Variants in VAT1L observed in about 807,000 individuals in gnomAD.
VAT1L encodes putative NADPH-dependent quinone oxidoreductase VAT1L.
In VAT1L, 34 loss-of-function variants were observed where a neutral mutation model predicts 44.1. The ratio of observed to expected loss-of-function variants is 0.77; its 90% CI spans 0.59 to 1.03. The LOEUF is 1.03. Among genes scored for constraint, VAT1L ranks in the 50% least tolerant of loss-of-function variants. The probability of loss-of-function intolerance (pLI) is 0.00; values close to 1 mark genes in which losing one functional copy is unlikely to be tolerated. For synonymous variants in VAT1L, 253 were observed against 202.2 expected (o/e 1.25, Z -2.13); for missense variants, 615 against 538.8 (o/e 1.14, Z -1.40).
chr16:77,804,524 C>T (rs2016120791), intron 1 of VAT1L, among the ~76,000 whole-genome samples: 1 of 152,144 alleles, frequency 6.6e-6, no homozygotes, highest in Non-Finnish European at 1.5e-5. Context: ...TATTTCTTTT[C>T]CCAGACACGG....
At chr16:77,951,317 C>T (rs748762823) in intron 7 of VAT1L, among the ~76,000 whole-genome samples, 5 of 152,070 alleles carry the variant, frequency 3.3e-5, no homozygotes, top group African/African-American at 9.7e-5. Flanking sequence ...AGGTGGAGGC[C>T]GGCAGACCAC....
chr16:77,825,916 G>A (rs2016515035), intron 3 of VAT1L, among the ~76,000 whole-genome samples: 3 of 150,488 alleles, frequency 2.0e-5, no homozygotes, highest in South Asian at 2.1e-4. Context: ...CCAGCTACTC[G>A]GGAGGCTGAG....
chr16:77,903,822 C>T (rs375046311), intron 7 of VAT1L, among the ~76,000 whole-genome samples: 8 of 150,846 alleles, frequency 5.3e-5, no homozygotes, highest in South Asian at 2.1e-4. Context: ...CTGCAAGCTC[C>T]GCCTCCTGGG....
At chr16:77,847,920 G>A (rs1295828249) in intron 3 of VAT1L, among the ~76,000 whole-genome samples, 2 of 152,200 alleles carry the variant, frequency 1.3e-5, no homozygotes, top group African/African-American at 2.4e-5. Flanking sequence ...ATGTTCAAGT[G>A]GAAGGAGATG....
At chr16:77,827,741 ATAAC>A (rs1314848070) in intron 3 of VAT1L, among the ~76,000 whole-genome samples, 1 of 152,254 alleles carries the variant, frequency 6.6e-6, no homozygotes, top group South Asian at 2.1e-4. Flanking sequence ...AGGGGTAACC[ATAAC>A]TAACACTGGT....
At chr16:77,881,969 A>G (rs1290051857) in intron 6 of VAT1L, 2 of 152,282 alleles carry the variant, frequency 1.3e-5, no homozygotes, top group African/African-American at 4.8e-5. Flanking sequence ...CAGCGTGCCC[A>G]TGCTCAATGA....
chr16:77,878,864 C>T (rs1057243866), intron 5 of VAT1L, among the ~76,000 whole-genome samples: 12 of 152,158 alleles, frequency 7.9e-5, no homozygotes, highest in African/African-American at 2.9e-4. Flanking sequence ...CCTAAAAAGA[C>T]ATTTCAGCAA....
chr16:77,956,847 G>A (rs557960448), intron 7 of VAT1L, among the ~76,000 whole-genome samples: 3 of 152,228 alleles, frequency 2.0e-5, no homozygotes, highest in East Asian at 1.9e-4. Context: ...CCAGGCTTGG[G>A]CTCTGTCTCT....
intron 3 of VAT1L, among the ~76,000 whole-genome samples, chr16:77,851,034 G>T (rs1306254924): frequency 6.6e-6 from 1 of 152,338 alleles, no homozygotes; most frequent in East Asian, 1.9e-4. Flanking sequence ...CTCTACAAGG[G>T]TTGATTAGCA....
Position 77,879,475 on chromosome 16 carries a change from G to A in VAT1L, c.882+251G>A, listed in dbSNP as rs761772125. On this transcript the variant is annotated intron_variant, in intron 6 of 8. Transcript: ENST00000302536. This position sits in a 1 kb window ranked among gnomAD's most constrained non-coding sequence, Gnocchi z 4.1. Reference sequence around the variant, plus strand: ...CCAGCTAATTTTTGTATTTGTAGTAGAGACGGGGTTTCACCGTGTTGGCCA... The same window carrying A: ...CCAGCTAATTTTTGTATTTGTAGTAAAGACGGGGTTTCACCGTGTTGGCCA... Among the ~76,000 whole-genome samples the A allele has an allele frequency of 6.6e-6, 1 of 152,316 alleles. No individual in the cohort carries two copies. Among genetic ancestry groups the A allele is most frequent in the South Asian group, 2.1e-4 (1 of 4,822 alleles).
chr16:77,891,383 C>T (rs2017264470), intron 7 of VAT1L, among the ~76,000 whole-genome samples: 1 of 152,168 alleles, frequency 6.6e-6, no homozygotes, highest in Non-Finnish European at 1.5e-5. Flanking sequence ...AAATTCAGTT[C>T]CTCATGCCAC....
At chr16:77,909,105 T>C (rs1420531917) in intron 7 of VAT1L, among the ~76,000 whole-genome samples, 1 of 152,212 alleles carries the variant, frequency 6.6e-6, no homozygotes, top group Non-Finnish European at 1.5e-5. Context: ...CTGTATTTCA[T>C]TTAATCCTCA....
intron 3 of VAT1L, among the ~76,000 whole-genome samples, chr16:77,857,713 ATAT>A (rs2016873359): frequency 6.7e-6 from 1 of 150,284 alleles, no homozygotes; most frequent in Non-Finnish European, 1.5e-5. Flanking sequence ...ATGGCTATAT[ATAT>A]TAATTGTACA....
intron 7 of VAT1L, among the ~76,000 whole-genome samples, chr16:77,929,924 G>C (rs60017755): frequency 0.14 from 21,559 of 152,162 alleles, 2,011 homozygotes; most frequent in Non-Finnish European, 0.19. Flanking sequence ...AGGAGTTTGA[G>C]ACTAGCCTGG....
intron 7 of VAT1L, among the ~76,000 whole-genome samples, chr16:77,940,438 G>T (rs2017867067): frequency 6.7e-6 from 1 of 148,772 alleles, no homozygotes; most frequent in South Asian, 2.2e-4. Context: ...CTGCCTCCCG[G>T]GTTCAAGCGA....
At chr16:77,900,836 T>A (rs948609013) in intron 7 of VAT1L, among the ~76,000 whole-genome samples, 2 of 151,932 alleles carry the variant, frequency 1.3e-5, no homozygotes, top group South Asian at 2.1e-4. Context: ...TGACCACCAC[T>A]CCCCCCGCAA....
chr16:77,971,973 G>C, intron 8 of VAT1L, 40 bp downstream of exon 8: 13 of 1,589,500 alleles, frequency 8.2e-6, no homozygotes, highest in Non-Finnish European at 1.0e-5. Context: ...TTCCACGCGA[G>C]AGAGCACCAC....
At chr16:77,930,667 C>T (rs1456821872) in intron 7 of VAT1L, among the ~76,000 whole-genome samples, 1 of 152,160 alleles carries the variant, frequency 6.6e-6, no homozygotes, top group Non-Finnish European at 1.5e-5. Context: ...ATCCTAATCT[C>T]AGGGTGTTGA....
At chr16:77,928,647 T>G (rs1041365118) in intron 7 of VAT1L, among the ~76,000 whole-genome samples, 2 of 152,196 alleles carry the variant, frequency 1.3e-5, no homozygotes, top group Admixed American at 1.3e-4. Flanking sequence ...GAAATAAGAT[T>G]TGAAAGCAAG....
Sources: gnomAD v4.1 joint callset for allele counts (sites outside exome capture counted in the v4.1 genomes callset) on GRCh38, gnomAD v4.1.1 for gene constraint, Gnocchi (gnomAD v3.1) non-coding constraint, MANE v1.5 for transcripts, NCBI Gene and HGNC (gene_info 2026-07-23, HGNC 2026-07-21) for gene names.